ERC1: variants seen among roughly 807,000 people sequenced by gnomAD.
ERC1 encodes RAB6 interacting protein 2.
A neutral mutation model predicts 132.0 loss-of-function variants in ERC1; 56 were observed. The ratio of observed to expected loss-of-function variants is 0.42; its 90% CI spans 0.34 to 0.53. ERC1 has a LOEUF of 0.53. Ranked by LOEUF, ERC1 falls within the 20% of genes least tolerant of loss-of-function variation. ERC1 has a pLI of 0.03. For missense variants in ERC1, 1,202 were observed against 1,349.9 expected (o/e 0.89, Z 1.72); for synonymous variants, 478 against 476.1 (o/e 1.00, Z -0.05).
In ERC1 at chr12:1,440,291, G is replaced by A. The variant is rs1271116711; in HGVS notation, c.3025-4271G>A. Among the ~76,000 whole-genome samples the A allele has an allele frequency of 1.1e-4, 15 of 132,288 alleles. No individual in the cohort carries two copies. In the South Asian group the frequency reaches 1.5e-3, roughly 14 times the overall value. 86.8% of individuals were successfully genotyped at this position (132,288 alleles called of 152,430 possible). ...GCCATCTCGGCTCACTGCAAGCTCCGCCTCCTGGGTTCACGCCATTCTCCT... is the reference window on the plus strand; with the variant it reads ...GCCATCTCGGCTCACTGCAAGCTCCACCTCCTGGGTTCACGCCATTCTCCT... On this transcript the variant is annotated intron_variant, in intron 17 of 18. Coordinates refer to ENST00000360905, the MANE Select transcript of ERC1 (RefSeq NM_178040.4).
intron 14 of ERC1, among the ~76,000 whole-genome samples, chr12:1,281,595 A>G (rs573554513): frequency 6.6e-6 from 1 of 152,330 alleles, no homozygotes; most frequent in African/African-American, 2.4e-5. Flanking sequence ...CCAGGAGCTT[A>G]TGTGTACCCA....
At chr12:1,104,493 T>C (rs369662380) in intron 3 of ERC1, among the ~76,000 whole-genome samples, 2 of 152,200 alleles carry the variant, frequency 1.3e-5, no homozygotes, top group Admixed American at 6.5e-5. Context: ...TCAGCTGTTA[T>C]GGTAGCTCGT....
intron 13 of ERC1, among the ~76,000 whole-genome samples, chr12:1,261,943 G>T (rs556916684): frequency 6.6e-6 from 1 of 152,260 alleles, no homozygotes; most frequent in East Asian, 1.9e-4. Flanking sequence ...TTCTTCCAAA[G>T]TGGGGAGAAA....
At chr12:1,408,040 G>C in intron 16 of ERC1, 109 bp from the exon 17 acceptor site, 1 of 698,530 alleles carries the variant, frequency 1.4e-6, no homozygotes, top group Non-Finnish European at 2.4e-6. Context: ...TTTTATTGCA[G>C]ACAGGATTAG....
At chr12:1,241,507 G>T (rs528489236) in intron 13 of ERC1, among the ~76,000 whole-genome samples, 3 of 151,448 alleles carry the variant, frequency 2.0e-5, no homozygotes, top group African/African-American at 7.3e-5. Flanking sequence ...TGCTTATCTT[G>T]TCCTTTCAAG....
At chr12:1,290,454 C>A (rs537818888) in intron 15 of ERC1, among the ~76,000 whole-genome samples, 1 of 152,140 alleles carries the variant, frequency 6.6e-6, no homozygotes, top group Non-Finnish European at 1.5e-5. Flanking sequence ...TCAGTAGTTA[C>A]CATTTTGCCA....
chr12:1,006,190 CAG>C (rs111935755), intron 1 of ERC1, among the ~76,000 whole-genome samples: 144,941 of 151,508 alleles, frequency 0.96, 69,625 homozygotes, highest in East Asian at 1. Context: ...CTCCTGACCT[CAG>C]GTGATCCACC....
chr12:1,119,019 A>G (rs1451851797), intron 7 of ERC1, among the ~76,000 whole-genome samples: 1 of 152,070 alleles, frequency 6.6e-6, no homozygotes, highest in African/African-American at 2.4e-5. Context: ...CAAGACTTAT[A>G]GGCATGTGCC....
chr12:1,078,822 AGTC>A (rs953312211), intron 2 of ERC1, among the ~76,000 whole-genome samples: 2 of 152,130 alleles, frequency 1.3e-5, no homozygotes, highest in African/African-American at 4.8e-5. Context: ...ATATGACAAA[AGTC>A]GATATACAAA....
At position 1,333,819 on chromosome 12, in the gene ERC1, G is replaced by T. The variant is rs1162201001; in HGVS notation, c.2781-38014G>T. Among the ~76,000 whole-genome samples, 9 of 152,130 alleles carry T rather than the reference G, an allele frequency of 5.9e-5. 1 individual carries two copies. Among genetic ancestry groups the T allele is most frequent in the African/African-American group, 9.7e-5 (4 of 41,442 alleles). On this transcript the variant is annotated intron_variant, in intron 15 of 18. Transcript: ENST00000360905. ...GTATTTCTGTCTTTAGTTCTTTGAG[G>T]AATCATCATGCTGTCTTCCACAATG... is the stretch of plus-strand genomic sequence containing the variant.
At chr12:1,081,239 C>T (rs1404808315) in intron 2 of ERC1, among the ~76,000 whole-genome samples, 2 of 152,146 alleles carry the variant, frequency 1.3e-5, no homozygotes, top group Non-Finnish European at 2.9e-5. Flanking sequence ...CATAACCATT[C>T]AGATTAAAGG....
At chr12:1,004,809 TGTGTG>T (rs1963234913) in intron 1 of ERC1, among the ~76,000 whole-genome samples, 1 of 176 alleles carries the variant, frequency 5.7e-3, no homozygotes, top group Non-Finnish European at 0.016. Context: ...CCTTTTTCTG[TGTGTG>T]TGTGTGTGTG....
chr12:1,190,081 T>C, intron 12 of ERC1, 29 bp downstream of exon 12: 1 of 1,576,078 alleles, frequency 6.3e-7, no homozygotes, highest in Non-Finnish European at 8.7e-7. Flanking sequence ...TTGGGGCTTA[T>C]GAGGTTAAAG....
intron 12 of ERC1, among the ~76,000 whole-genome samples, chr12:1,220,523 TTTTA>T (rs1958878688): frequency 1.3e-5 from 2 of 152,212 alleles, no homozygotes; most frequent in African/African-American, 2.4e-5. Flanking sequence ...TTACTGTTAT[TTTTA>T]TTTGTGTTTT....
intron 12 of ERC1, among the ~76,000 whole-genome samples, chr12:1,200,483 G>C (rs980274094): frequency 2.0e-5 from 3 of 152,038 alleles, no homozygotes; most frequent in African/African-American, 7.2e-5. Flanking sequence ...GTACATTAGA[G>C]AGACCAATGT....
intron 7 of ERC1, among the ~76,000 whole-genome samples, chr12:1,125,802 C>T (rs1365469433): frequency 1.3e-5 from 2 of 152,102 alleles, no homozygotes; most frequent in Non-Finnish European, 2.9e-5. Flanking sequence ...GTGACAAGAG[C>T]GAGACTCCGT....
chr12:1,253,688 A>T lies in ERC1; in HGVS notation c.2488-9346A>T, dbSNP rs529580766. Among the ~76,000 whole-genome samples the T allele has an allele frequency of 2.6e-5, 4 of 152,200 alleles. No homozygotes were observed. In the South Asian group the frequency reaches 8.3e-4, roughly 32 times the overall value. On this transcript the variant is annotated intron_variant, in intron 13 of 18. Coordinates refer to ENST00000360905, the MANE Select transcript of ERC1 (RefSeq NM_178040.4). The stretch of plus-strand genomic sequence containing the variant: ...GGAAACTGCATCTCAAAGAAAAAAA[A>T]AGGCAGTGGAGGGTAGAGTCTTACA...
chr12:1,266,693 C>T (rs965729807), intron 14 of ERC1, among the ~76,000 whole-genome samples: 32 of 152,108 alleles, frequency 2.1e-4, no homozygotes, highest in African/African-American at 7.5e-4. Flanking sequence ...GTGTAAGTCA[C>T]CGTGCCTGGC....
At chr12:1,427,818 A>G (rs2092684445) in intron 17 of ERC1, among the ~76,000 whole-genome samples, 1 of 152,346 alleles carries the variant, frequency 6.6e-6, no homozygotes, top group African/African-American at 2.4e-5. Flanking sequence ...TGCCTGACAT[A>G]TAGGACGTGC....
Sources: allele counts gnomAD v4.1 joint callset (sites outside exome capture counted in the v4.1 genomes callset), GRCh38; gene constraint gnomAD v4.1.1; transcripts MANE v1.5; gene names NCBI Gene and HGNC (gene_info 2026-07-23, HGNC 2026-07-21).